The following ADAMTS19 variants were observed in gnomAD, a reference collection of about 807,000 sequenced individuals.
The protein encoded by ADAMTS19 is A disintegrin and metalloproteinase with thrombospondin motifs 19.
Under a neutral mutation model 153.3 loss-of-function variants are expected in ADAMTS19, and 93 were observed. The ratio of observed to expected loss-of-function variants is 0.61; its 90% confidence interval spans 0.51 to 0.72. The LOEUF is 0.72. Ranked by LOEUF, ADAMTS19 falls within the 30% of genes least tolerant of loss-of-function variation. ADAMTS19 has a pLI of 0.00. For missense variants in ADAMTS19, 1,482 were observed against 1,552.1 expected (o/e 0.95, Z 0.76); for synonymous variants, 600 against 556.6 (o/e 1.08, Z -1.10).
At chr5:129,525,485 C>T (rs1453369676) in intron 3 of ADAMTS19, among the ~76,000 whole-genome samples, 4 of 151,934 alleles carry the variant, frequency 2.6e-5, no homozygotes, top group African/African-American at 7.2e-5. Flanking sequence ...GCCCATTTTT[C>T]AATTAGACTG....
At chr5:129,716,471 T>A (rs1372470456) in intron 21 of ADAMTS19, among the ~76,000 whole-genome samples, 1 of 152,122 alleles carries the variant, frequency 6.6e-6, no homozygotes, top group Non-Finnish European at 1.5e-5. Context: ...AGTGCTGAGA[T>A]GAGTCATTAG....
At chr5:129,468,943 ATTT>A (rs1749969360) in intron 2 of ADAMTS19, among the ~76,000 whole-genome samples, 1 of 151,774 alleles carries the variant, frequency 6.6e-6, no homozygotes, top group South Asian at 2.1e-4. Context: ...CACCCAGCTA[ATTT>A]TTGTGTTTTT....
At chr5:129,541,587 A>G (rs1185288819) in intron 6 of ADAMTS19, among the ~76,000 whole-genome samples, 1 of 152,014 alleles carries the variant, frequency 6.6e-6, no homozygotes, top group Non-Finnish European at 1.5e-5. Flanking sequence ...AGAATTATTC[A>G]TTATTTAATA....
rs771828572 is a variant in ADAMTS19, at chr5:129,460,491, T to C, written c.91+9T>C. ...GAATGGGATCGTTTCAGGTAAGTTCTTCCGTGACTTTCTCGCTTCCTTTCC... is the reference window on the plus strand; with the variant it reads ...GAATGGGATCGTTTCAGGTAAGTTCCTCCGTGACTTTCTCGCTTCCTTTCC... On this transcript the variant is annotated intron_variant, in intron 1 of 22. Coordinates refer to ENST00000274487, the MANE Select transcript of ADAMTS19 (RefSeq NM_133638.6). 1 of 1,614,036 alleles carries C rather than the reference T, an allele frequency of 6.2e-7. No individual in the cohort carries two copies. Among genetic ancestry groups the C allele is most frequent in the African/African-American group, 1.3e-5 (1 of 75,046 alleles).
At chr5:129,589,454 A>G (rs1240468792) in intron 7 of ADAMTS19, among the ~76,000 whole-genome samples, 1 of 152,092 alleles carries the variant, frequency 6.6e-6, no homozygotes, top group Non-Finnish European at 1.5e-5. Context: ...ATATATGTAT[A>G]CACACAAGTA....
chr5:129,658,305 AAGAAAAAGAAAG>A lies in ADAMTS19; in HGVS notation c.2305-310_2305-299del, dbSNP rs1561632039. On this transcript the variant is annotated intron_variant, in intron 14 of 22. Coordinates refer to ENST00000274487, the MANE Select transcript of ADAMTS19 (RefSeq NM_133638.6). ...CATCTGAAAGAAAAAGAAAGAAAGA[AAGAAAAAGAAAG>A]AAAGAAAGAAAGAAAGAAAGAAAGA... Among the ~76,000 whole-genome samples the A allele has an allele frequency of 7.4e-4, 78 of 104,880 alleles. 4 individuals carry two copies. The highest frequency in any genetic ancestry group is 2.3e-3 in the African/African-American group (52 of 23,064). 68.8% of individuals were successfully genotyped at this position (104,880 alleles called of 152,430 possible).
Position 129,673,968 on chromosome 5 carries a change from C to T in ADAMTS19, c.2507-5796C>T, listed in dbSNP as rs548000478. ...GCCATTGGCCGGGGACGGTAACTCACGCCTGTAATGCCAGCACTTTGGGAG... is the reference window on the plus strand; with the variant it reads ...GCCATTGGCCGGGGACGGTAACTCATGCCTGTAATGCCAGCACTTTGGGAG... On this transcript the variant is annotated intron_variant, in intron 16 of 22. Coordinates refer to ENST00000274487, the MANE Select transcript of ADAMTS19 (RefSeq NM_133638.6). 2.6e-5 allele frequency among the ~76,000 whole-genome samples: 4 copies of T among 152,250 alleles called. No individual in the cohort carries two copies. In the East Asian group the frequency reaches 5.8e-4, roughly 22 times the overall value.
intron 16 of ADAMTS19, among the ~76,000 whole-genome samples, chr5:129,666,859 C>CT (rs1331838500): frequency 2.0e-5 from 3 of 152,058 alleles, no homozygotes; most frequent in African/African-American, 7.2e-5. Flanking sequence ...TGTATGTTTT[C>CT]TTTTTTCCAA....
chr5:129,585,271 T>G (rs577701374), intron 7 of ADAMTS19, among the ~76,000 whole-genome samples: 16 of 151,758 alleles, frequency 1.1e-4, no homozygotes, highest in Admixed American at 9.9e-4. Flanking sequence ...GTAACTCAGT[T>G]GGAAAATCAG....
chr5:129,531,502 G>T (rs1017034673), intron 6 of ADAMTS19, among the ~76,000 whole-genome samples: 1 of 152,102 alleles, frequency 6.6e-6, no homozygotes, highest in African/African-American at 2.4e-5. Flanking sequence ...GTGCATGCCT[G>T]TAGTCCCAGC....
At chr5:129,460,551 G>T in intron 1 of ADAMTS19, 69 bp downstream of exon 1, 3 of 1,578,488 alleles carry the variant, frequency 1.9e-6, no homozygotes, top group Non-Finnish European at 8.7e-7. Flanking sequence ...CGTACGGGTC[G>T]GCAGGGCTGG....
rs150907724 is a variant in ADAMTS19, at chr5:129,535,642, C to T, written c.1328+6965C>T. On this transcript the variant is annotated intron_variant, in intron 6 of 22. Coordinates refer to ENST00000274487, the MANE Select transcript of ADAMTS19 (RefSeq NM_133638.6). ...CAAAAGAACAAAGCTGGAGGCATCA[C>T]GCTAGCTGACTTCAAACTATACTAC... Among the ~76,000 whole-genome samples the T allele has an allele frequency of 6.9e-3, 1,047 of 152,266 alleles. 10 individuals are homozygous for T. The highest frequency in any genetic ancestry group is 0.022 in the African/African-American group (928 of 41,566).
intron 2 of ADAMTS19, among the ~76,000 whole-genome samples, chr5:129,476,209 T>C (rs115232458): frequency 1.7e-3 from 253 of 152,222 alleles, no homozygotes; most frequent in African/African-American, 5.5e-3. Flanking sequence ...TGGTAGTCCA[T>C]ATTACAGTAT....
intron 7 of ADAMTS19, among the ~76,000 whole-genome samples, chr5:129,583,643 G>A (rs6895357): frequency 0.64 from 96,333 of 150,940 alleles, 32,918 homozygotes; most frequent in Non-Finnish European, 0.77. Flanking sequence ...TTGTCTTTGT[G>A]CTTTATTTCA....
intron 21 of ADAMTS19, among the ~76,000 whole-genome samples, chr5:129,733,732 T>C (rs564196186): frequency 6.6e-6 from 1 of 152,050 alleles, no homozygotes; most frequent in Non-Finnish European, 1.5e-5. Flanking sequence ...ACAACTACTA[T>C]AGAAAACAGT....
intron 15 of ADAMTS19, among the ~76,000 whole-genome samples, chr5:129,661,773 T>C (rs533005502): frequency 4.7e-4 from 72 of 152,324 alleles, no homozygotes; most frequent in African/African-American, 1.7e-3. Context: ...CAGTAAATAC[T>C]AAGAAGAAAA....
chr5:129,479,408 C>T (rs749750990), intron 2 of ADAMTS19, among the ~76,000 whole-genome samples: 4 of 152,054 alleles, frequency 2.6e-5, no homozygotes, highest in African/African-American at 4.8e-5. Flanking sequence ...GAAATTATCA[C>T]GTTAGGGAGA....
Position 129,489,913 on chromosome 5 carries a change from A to G in ADAMTS19, c.748-19164A>G, listed in dbSNP as rs369199812. ...GTAAACATATTTGTTAATTAAAATG[A>G]AAATGAGAAGTAGAGATAGAAAATG... On this transcript the variant is annotated intron_variant, in intron 2 of 22. Coordinates refer to ENST00000274487, the MANE Select transcript of ADAMTS19 (RefSeq NM_133638.6). Among the ~76,000 whole-genome samples the G allele has an allele frequency of 2.6e-5, 4 of 152,364 alleles. No individual in the cohort carries two copies. In the South Asian group the frequency reaches 6.2e-4, roughly 24 times the overall value.
intron 2 of ADAMTS19, among the ~76,000 whole-genome samples, chr5:129,481,630 T>C (rs1401492215): frequency 2.0e-5 from 3 of 152,154 alleles, no homozygotes; most frequent in Non-Finnish European, 4.4e-5. Flanking sequence ...TCTCAGGTGA[T>C]CTTTGCTTGT....
Sources: allele counts gnomAD v4.1 joint callset (sites outside exome capture counted in the v4.1 genomes callset), GRCh38; gene constraint gnomAD v4.1.1; transcripts MANE v1.5; gene names NCBI Gene and HGNC (gene_info 2026-07-23, HGNC 2026-07-21).